Variants in IL6ST observed in about 807,000 individuals in gnomAD.
IL6ST encodes the protein interleukin 6 cytokine family signal transducer, also known as interleukin-6 receptor subunit beta.
Under a neutral mutation model 91.3 loss-of-function variants are expected in IL6ST, and 24 were observed. The ratio of observed to expected loss-of-function variants is 0.26; its 90% CI spans 0.19 to 0.37. The LOEUF (loss-of-function observed/expected upper bound fraction) is 0.37, where lower values mean the gene tolerates loss of function less well. Ranked by LOEUF, IL6ST falls within the 10% of genes least tolerant of loss-of-function variation. IL6ST has a pLI of 1.00. For missense variants in IL6ST, 914 were observed against 1,078.5 expected, an observed-to-expected ratio of 0.85 and a Z score of 2.14; for synonymous variants, 351 against 373.6, an observed-to-expected ratio of 0.94 and a Z score of 0.70.
At chr5:55,974,394 C>A (rs1753147549) in intron 3 of IL6ST, among the ~76,000 whole-genome samples, 2 of 151,968 alleles carry the variant, frequency 1.3e-5, no homozygotes, top group South Asian at 4.2e-4. Flanking sequence ...GGCACAATCT[C>A]CACACACCGC....
chr5:55,989,413 C>T (rs1422546390), intron 1 of IL6ST, among the ~76,000 whole-genome samples: 1 of 152,122 alleles, frequency 6.6e-6, no homozygotes, highest in Non-Finnish European at 1.5e-5. Flanking sequence ...CACACTCATG[C>T]ACGTGCACAT....
At chr5:55,993,444 G>T (rs1754446339) in intron 1 of IL6ST, among the ~76,000 whole-genome samples, 3 of 152,158 alleles carry the variant, frequency 2.0e-5, no homozygotes, top group Admixed American at 2.0e-4. Flanking sequence ...TAAATAAATT[G>T]AAAATACTGC....
intron 6 of IL6ST, among the ~76,000 whole-genome samples, chr5:55,963,728 C>T (rs1031640152): frequency 6.6e-6 from 1 of 151,944 alleles, no homozygotes; most frequent in African/African-American, 2.4e-5. Context: ...TTGTTAATCT[C>T]TTCAGGTTCA....
intron 12 of IL6ST, 71 bp from the exon 13 acceptor site, chr5:55,952,146 T>C: frequency 2.0e-6 from 3 of 1,522,602 alleles, no homozygotes; most frequent in South Asian, 2.4e-5. Context: ...TGTCATAAAA[T>C]CATTTGAACA....
chr5:55,991,743 TA>T (rs74490662), intron 1 of IL6ST, among the ~76,000 whole-genome samples: 970 of 139,176 alleles, frequency 7.0e-3, no homozygotes, highest in Admixed American at 7.1e-3. Flanking sequence ...TTCTCTATTC[TA>T]AAAAAAAAAA....
rs368278622 is a variant in IL6ST, at chr5:55,937,434, G to A, written c.*3648C>T. On this transcript the variant is annotated 3_prime_UTR_variant, in exon 17 of 17. Coordinates refer to ENST00000381298, the MANE Select transcript of IL6ST (RefSeq NM_002184.4). ...TGGAAAAAAATAGGTTAATGCAAAA[G>A]ATAATACGCTTGGCTTTGTAAAGTT... The A allele has an allele frequency of 1.7e-4, 37 of 212,764 alleles. No individual in the cohort carries two copies. The South Asian group carries it at 6.5e-3, about 38-fold the overall frequency. The allele number at this position is 212,764 out of a possible 1,614,324, so 13.2% of individuals were successfully genotyped here. A position where few individuals can be genotyped will look rare whatever the true frequency, so the allele number is the denominator to read the frequency against.
At chr5:55,946,257 G>T (rs780779277) in intron 15 of IL6ST, among the ~76,000 whole-genome samples, 3 of 152,122 alleles carry the variant, frequency 2.0e-5, no homozygotes, top group Non-Finnish European at 4.4e-5. Context: ...AACACTGCTG[G>T]AGGCAATCCA....
chr5:55,959,479 C>T (rs934835315), intron 8 of IL6ST: 1 of 314,088 alleles, frequency 3.2e-6, no homozygotes, highest in Non-Finnish European at 6.0e-6. Context: ...AATGAAAAAT[C>T]TATGCCACGG....
intron 2 of IL6ST, among the ~76,000 whole-genome samples, chr5:55,980,543 C>T (rs1753596469): frequency 6.6e-6 from 1 of 152,100 alleles, no homozygotes; most frequent in South Asian, 2.1e-4. Flanking sequence ...GAGTGAAACT[C>T]CGTCTCAAAA....
At chr5:55,951,792 G>A (rs1751649866) in intron 13 of IL6ST, 137 bp downstream of exon 13, 2 of 762,594 alleles carry the variant, frequency 2.6e-6, no homozygotes, top group East Asian at 2.7e-5. Flanking sequence ...ATCCATGAAA[G>A]TAACCATAAG....
At chr5:55,994,150 A>T (rs2111969071) in intron 1 of IL6ST, 1 of 149,870 alleles carries the variant, frequency 6.7e-6, no homozygotes, top group African/African-American at 2.5e-5. Flanking sequence ...TCATCCACTG[A>T]AGAACAGACC....
chr5:55,981,133 A>ACATGGAC (rs1753642877), intron 2 of IL6ST, among the ~76,000 whole-genome samples: 1 of 152,228 alleles, frequency 6.6e-6, no homozygotes, highest in South Asian at 2.1e-4. Context: ...AGTACCATGG[A>ACATGGAC]ACACAAGCAA....
intron 5 of IL6ST, among the ~76,000 whole-genome samples, chr5:55,964,852 T>A (rs1042461496): frequency 2.6e-5 from 4 of 152,124 alleles, no homozygotes; most frequent in Admixed American, 6.5e-5. Flanking sequence ...TTATATAAAT[T>A]ATGCCTCAAT....
chr5:55,954,814 T>A lies in IL6ST; in HGVS notation c.1446A>T (p.Leu482Phe). Residue 482 changes from leucine (L) to phenylalanine (F), a missense_variant, in exon 11 of 17, where the codon TTA (leucine) becomes TTT (phenylalanine). By Grantham distance (22) the Leu-to-Phe change is conservative. Transcript: ENST00000381298. The stretch of plus-strand genomic sequence containing the variant: ...GATGTTTCTAGCCAGGTATACCTCT[T>A]AAATAGGTGCGATGCACGGTACCAT... ...QEDGTVHRTY[L>F]RGNLAESKCY... is the part of the protein sequence containing the mutation. 1 of 1,603,310 alleles carries A rather than the reference T, an allele frequency of 6.2e-7. No homozygotes were observed. The highest frequency in any genetic ancestry group is 8.5e-7 in the Non-Finnish European group (1 of 1,176,010).
chr5:55,972,596 C>T (rs1406505577), intron 3 of IL6ST, among the ~76,000 whole-genome samples: 1 of 152,146 alleles, frequency 6.6e-6, no homozygotes, highest in East Asian at 1.9e-4. Context: ...TCCCATTTTA[C>T]AGGGCTACCA....
Position 55,937,032 on chromosome 5 carries a change from T to G in IL6ST, c.*4050A>C. 1 of 200,730 alleles carries G rather than the reference T, an allele frequency of 5.0e-6. No individual in the cohort carries two copies. Among genetic ancestry groups the G allele is most frequent in the Non-Finnish European group, 1.0e-5 (1 of 97,240 alleles). The allele number at this position is 200,730 out of a possible 1,614,324, so 12.4% of individuals were successfully genotyped here. ...CTAGAGAATTTTCAAATATCTACCTTTGAAATATCCCTTTGTTTCTAACAC... is the reference window on the plus strand; with the variant it reads ...CTAGAGAATTTTCAAATATCTACCTGTGAAATATCCCTTTGTTTCTAACAC... On this transcript the variant is annotated 3_prime_UTR_variant, in exon 17 of 17. Coordinates refer to ENST00000381298, the MANE Select transcript of IL6ST (RefSeq NM_002184.4).
At chr5:55,959,138 C>T (rs148514312) in intron 8 of IL6ST, among the ~76,000 whole-genome samples, 231 of 152,272 alleles carry the variant, frequency 1.5e-3, no homozygotes, top group African/African-American at 4.8e-3. Flanking sequence ...ATTAAAAATG[C>T]ACACAGGCAC....
At chr5:55,942,915 C>T (rs1751008017) in intron 15 of IL6ST, among the ~76,000 whole-genome samples, 164 bp from the exon 16 acceptor site, 1 of 151,978 alleles carries the variant, frequency 6.6e-6, no homozygotes, top group Admixed American at 6.6e-5. Flanking sequence ...TTTCTTATAA[C>T]CAATAGAAAA....
intron 11 of IL6ST, 53 bp from the exon 12 acceptor site, chr5:55,952,404 T>A: frequency 1.0e-6 from 1 of 975,626 alleles, no homozygotes; most frequent in Non-Finnish European, 1.6e-6. Context: ...AAAAGTCAAG[T>A]TAATACCGTA....
Sources: allele counts gnomAD v4.1 joint callset (sites outside exome capture counted in the v4.1 genomes callset), GRCh38; gene constraint gnomAD v4.1.1; transcripts MANE v1.5; gene names NCBI Gene and HGNC (gene_info 2026-07-23, HGNC 2026-07-21).